MYH6: variants seen among roughly 807,000 people sequenced by gnomAD.
MYH6 encodes the protein myosin-6.
MYH6 carries 126 observed loss-of-function variants against 223.2 expected under a neutral mutation model. The observed-to-expected ratio is 0.56, with a 90% CI of 0.49 to 0.65. The LOEUF (loss-of-function observed/expected upper bound fraction) is 0.65. MYH6 is among the 30% of genes least tolerant of loss of function. The probability of loss-of-function intolerance (pLI) is 0.00; values close to 1 mark genes in which losing one functional copy is unlikely to be tolerated. For synonymous variants in MYH6, 978 were observed against 1,010.2 expected (o/e 0.97, Z 0.61); for missense variants, 2,040 against 2,536.4 (o/e 0.80, Z 4.20).
At position 23,400,736 on chromosome 14, in the gene MYH6, C is replaced by T. The variant is rs1057523926; in HGVS notation, c.1383G>A (p.Leu461=). The part of the protein sequence containing the change: ...KQPRQYFIGV[L]DIAGFEIFDF... ...CGAAGATCTCGAAGCCAGCGATGTC[C>T]AGGACTCCTATGAAGTACTGGCGTG... Residue 461 remains leucine (L), a synonymous_variant, in exon 13 of 39, where the codon CTG becomes CTA. Coordinates refer to ENST00000405093, the MANE Select transcript of MYH6 (RefSeq NM_002471.4). The T allele has an allele frequency of 1.2e-6, 2 of 1,614,268 alleles. No individual in the cohort carries two copies. Among genetic ancestry groups the T allele is most frequent in the African/African-American group, 2.7e-5 (2 of 75,074 alleles).
At chr14:23,395,019 C>G (rs1891352622) in intron 20 of MYH6, among the ~76,000 whole-genome samples, 1 of 152,222 alleles carries the variant, frequency 6.6e-6, no homozygotes, top group Admixed American at 6.5e-5. Context: ...TGCCTGCCAC[C>G]ATGCCCAGCT....
chr14:23,388,557 C>A (rs1423524795), intron 29 of MYH6: 1 of 874,130 alleles, frequency 1.1e-6, no homozygotes, highest in South Asian at 1.3e-5. Context: ...GTGCCCCCTG[C>A]CCTCACCCCC....
Sources: gnomAD v4.1 joint callset for allele counts (sites outside exome capture counted in the v4.1 genomes callset) on GRCh38, gnomAD v4.1.1 for gene constraint, MANE v1.5 for transcripts, NCBI Gene and HGNC (gene_info 2026-07-23, HGNC 2026-07-21) for gene names.